ITGA8: variants seen among roughly 807,000 people sequenced by gnomAD.
ITGA8 encodes integrin alpha-8.
A neutral mutation model predicts 142.3 loss-of-function variants in ITGA8; 91 were observed. The ratio of observed to expected loss-of-function variants is 0.64; its 90% CI spans 0.54 to 0.76. The LOEUF (loss-of-function observed/expected upper bound fraction) is 0.76. Ranked by LOEUF, ITGA8 falls within the 30% of genes least tolerant of loss-of-function variation. The pLI, the probability that ITGA8 is intolerant of heterozygous loss-of-function variation, is 0.00. For synonymous variants in ITGA8, 505 were observed against 485.2 expected (o/e 1.04, Z -0.54); for missense variants, 1,406 against 1,327.7 (o/e 1.06, Z -0.92).
rs567697697 is a variant in ITGA8 at position 15,664,337 on chromosome 10, A to G, written c.848-3415T>C. Reference sequence around the variant, plus strand: ...ATAATGAGAGGACAAGTCCTTTATGAATTAGTTTGTACCTAAAAGAAAAAT... The same window carrying G: ...ATAATGAGAGGACAAGTCCTTTATGGATTAGTTTGTACCTAAAAGAAAAAT... On this transcript the variant is annotated intron_variant, in intron 8 of 29. Coordinates refer to ENST00000378076, the MANE Select transcript of ITGA8 (RefSeq NM_003638.3). Among the ~76,000 whole-genome samples the G allele has an allele frequency of 1.3e-3, 201 of 152,286 alleles. 1 individual carries two copies. Among genetic ancestry groups the G allele is most frequent in the African/African-American group, 4.6e-3 (192 of 41,556 alleles).
At chr10:15,552,959 A>G (rs1281789757) in intron 26 of ITGA8, among the ~76,000 whole-genome samples, 1 of 152,202 alleles carries the variant, frequency 6.6e-6, no homozygotes, top group East Asian at 1.9e-4. Flanking sequence ...TTACAGTGTC[A>G]TAAAAATTTA....
At chr10:15,698,042 C>T (rs1170897955) in intron 2 of ITGA8, among the ~76,000 whole-genome samples, 1 of 152,132 alleles carries the variant, frequency 6.6e-6, no homozygotes, top group Non-Finnish European at 1.5e-5. Flanking sequence ...AATGTGTAGT[C>T]TTTTATCCCT....
intron 22 of ITGA8, among the ~76,000 whole-genome samples, 188 bp from the exon 23 acceptor site, chr10:15,586,852 C>G (rs1374995526): frequency 6.6e-6 from 1 of 151,724 alleles, no homozygotes; most frequent in Non-Finnish European, 1.5e-5. Context: ...CTTTTATGAT[C>G]AATAGTAATG....
Position 15,548,648 on chromosome 10 carries a change from C to T in ITGA8, c.2767-80G>A, listed in dbSNP as rs907853800. ...CACTGAAGTTAGCTTATTTACATTT[C>T]ATTTCCTCAAAAGTCATCACCTTAT... On this transcript the variant is annotated intron_variant, in intron 26 of 29. Transcript: ENST00000378076. 5 of 829,760 alleles carry T rather than the reference C, an allele frequency of 6.0e-6. No homozygotes were observed. The East Asian group carries it at 1.4e-4, about 23-fold the overall frequency. The allele number at this position is 829,760 out of a possible 1,614,324, so 51.4% of individuals were successfully genotyped here.
At chr10:15,622,301 C>A (rs763884548) in intron 13 of ITGA8, among the ~76,000 whole-genome samples, 1 of 152,180 alleles carries the variant, frequency 6.6e-6, no homozygotes, top group Non-Finnish European at 1.5e-5. Context: ...TCACTCTCAT[C>A]TCCTTGACAG....
intron 25 of ITGA8, among the ~76,000 whole-genome samples, chr10:15,569,447 A>T (rs961971992): frequency 6.6e-6 from 1 of 152,200 alleles, no homozygotes; most frequent in Admixed American, 6.5e-5. Flanking sequence ...TCAGGAATTG[A>T]AGCTTAGTTC....
At chr10:15,616,255 T>C (rs1833389063) in intron 14 of ITGA8, among the ~76,000 whole-genome samples, 1 of 152,196 alleles carries the variant, frequency 6.6e-6, no homozygotes, top group South Asian at 2.1e-4. Context: ...GTCTAAAAAG[T>C]GGGTCATTTT....
At chr10:15,567,048 A>T (rs1257486101) in intron 25 of ITGA8, among the ~76,000 whole-genome samples, 1 of 150,878 alleles carries the variant, frequency 6.6e-6, no homozygotes, top group African/African-American at 2.4e-5. Flanking sequence ...CTAGCTACTC[A>T]GGAGGTTGAG....
intron 10 of ITGA8, among the ~76,000 whole-genome samples, chr10:15,657,997 C>T (rs773899406): frequency 6.6e-6 from 1 of 152,100 alleles, no homozygotes; most frequent in Non-Finnish European, 1.5e-5. Context: ...TTTAATGGCA[C>T]ATGGGAATTT....
chr10:15,540,037 G>A (rs1833537994), intron 27 of ITGA8, among the ~76,000 whole-genome samples: 2 of 152,192 alleles, frequency 1.3e-5, no homozygotes, highest in Admixed American at 1.3e-4. Context: ...TGCTATGATT[G>A]TGAGGCCTCC....
At chr10:15,600,124 A>G (rs1454193251) in intron 20 of ITGA8, among the ~76,000 whole-genome samples, 2 of 152,148 alleles carry the variant, frequency 1.3e-5, no homozygotes, top group Non-Finnish European at 2.9e-5. Context: ...TAAAATTACT[A>G]TTATACTTTA....
intron 27 of ITGA8, among the ~76,000 whole-genome samples, chr10:15,546,402 G>T (rs1023134251): frequency 1.3e-5 from 2 of 152,202 alleles, no homozygotes; most frequent in African/African-American, 2.4e-5. Flanking sequence ...AATATGTAAA[G>T]GTTTGATTTT....
At chr10:15,573,354 A>G (rs867585738) in intron 24 of ITGA8, among the ~76,000 whole-genome samples, 1 of 152,348 alleles carries the variant, frequency 6.6e-6, no homozygotes, top group South Asian at 2.1e-4. Context: ...TTCAAACTTT[A>G]AAGTTTCACC....
chr10:15,593,839 ATTTTTTTT>A (rs35907545), intron 21 of ITGA8, among the ~76,000 whole-genome samples: 2 of 137,298 alleles, frequency 1.5e-5, no homozygotes, highest in African/African-American at 2.9e-5. Flanking sequence ...CCCAGCAAAG[ATTTTTTTT>A]TTTTTTTTTT....
At chr10:15,667,313 T>C (rs1344272805) in intron 8 of ITGA8, among the ~76,000 whole-genome samples, 2 of 152,200 alleles carry the variant, frequency 1.3e-5, no homozygotes, top group Non-Finnish European at 2.9e-5. Context: ...CATAGAGTTG[T>C]TTATAGTATT....
chr10:15,698,868 T>A (rs925889488), intron 2 of ITGA8, among the ~76,000 whole-genome samples: 2 of 152,236 alleles, frequency 1.3e-5, no homozygotes, highest in Non-Finnish European at 2.9e-5. Context: ...GGTTTTCTGT[T>A]AACTCTGGCA....
chr10:15,649,992 A>G (rs1188741195), intron 11 of ITGA8, among the ~76,000 whole-genome samples: 1 of 152,234 alleles, frequency 6.6e-6, no homozygotes, highest in Non-Finnish European at 1.5e-5. Flanking sequence ...AATATGCACA[A>G]AAATGTGCAT....
chr10:15,617,352 G>A (rs780000979), intron 13 of ITGA8, among the ~76,000 whole-genome samples: 34 of 151,884 alleles, frequency 2.2e-4, no homozygotes, highest in Non-Finnish European at 3.5e-4. Flanking sequence ...AAGGGGGAAT[G>A]GTCACAATTA....
chr10:15,574,443 T>G (rs949139488), intron 24 of ITGA8, among the ~76,000 whole-genome samples: 2 of 152,120 alleles, frequency 1.3e-5, no homozygotes, highest in African/African-American at 4.8e-5. Flanking sequence ...CAGGCTGGAG[T>G]GCGGTGGCAC....
Sources: allele counts gnomAD v4.1 joint callset (sites outside exome capture counted in the v4.1 genomes callset), GRCh38; gene constraint gnomAD v4.1.1; transcripts MANE v1.5; gene names NCBI Gene and HGNC (gene_info 2026-07-23, HGNC 2026-07-21).